The following TNFRSF19 variants were observed in gnomAD, a reference collection of about 807,000 sequenced individuals.
The protein encoded by TNFRSF19 is tumor necrosis factor receptor superfamily member 19.
TNFRSF19 carries 27 observed loss-of-function variants against 46.4 expected under a neutral mutation model. The observed-to-expected ratio is 0.58, with a 90% CI of 0.43 to 0.80. The LOEUF (loss-of-function observed/expected upper bound fraction) is 0.80. Among genes scored for constraint, TNFRSF19 ranks in the 30% least tolerant of loss-of-function variants. TNFRSF19 has a pLI of 0.00. For missense variants in TNFRSF19, 511 were observed against 530.8 expected (o/e 0.96, Z 0.37); for synonymous variants, 204 against 205.0 (o/e 1.00, Z 0.04).
At chr13:23,596,064 A>G (rs552122436) in intron 3 of TNFRSF19, among the ~76,000 whole-genome samples, 1 of 152,326 alleles carries the variant, frequency 6.6e-6, no homozygotes, top group Admixed American at 6.5e-5. Flanking sequence ...AAATGCTGAG[A>G]GATTTTGTCA....
At chr13:23,668,134 A>G (rs1207538446) in intron 8 of TNFRSF19, 52 bp downstream of exon 8, 2 of 1,415,428 alleles carry the variant, frequency 1.4e-6, no homozygotes, top group East Asian at 2.4e-5. Flanking sequence ...GCAAATATGC[A>G]TTCTACTAAT....
chr13:23,612,670 G>C (rs888726622), intron 3 of TNFRSF19, among the ~76,000 whole-genome samples: 2 of 152,092 alleles, frequency 1.3e-5, no homozygotes, highest in South Asian at 4.1e-4. Context: ...TTTGAAAATA[G>C]TAAATACTTT....
intron 5 of TNFRSF19, among the ~76,000 whole-genome samples, chr13:23,647,834 G>A (rs1379254706): frequency 1.3e-5 from 2 of 152,036 alleles, no homozygotes; most frequent in African/African-American, 4.8e-5. Flanking sequence ...TTTTGAAGAG[G>A]CTTCCCTTTC....
chr13:23,655,631 C>G lies in TNFRSF19; in HGVS notation c.446-3419C>G, dbSNP rs560812351. On this transcript the variant is annotated intron_variant, in intron 5 of 9. Transcript: ENST00000248484. ...TTGCCACAGGTTAGCAAAACAATACCTTTTCCTTTAGCGTAGATAAGTTCT... is the reference window on the plus strand; with the variant it reads ...TTGCCACAGGTTAGCAAAACAATACGTTTTCCTTTAGCGTAGATAAGTTCT... 2.6e-5 allele frequency among the ~76,000 whole-genome samples: 4 copies of G among 152,106 alleles called. 1 individual carries two copies. The highest frequency in any genetic ancestry group is 2.6e-4 in the Admixed American group (4 of 15,278).
At chr13:23,575,192 T>C (rs1370609810) in intron 1 of TNFRSF19, among the ~76,000 whole-genome samples, 1 of 152,220 alleles carries the variant, frequency 6.6e-6, no homozygotes, top group African/African-American at 2.4e-5. Flanking sequence ...ATGGACTGTC[T>C]CTTCCCTCAT....
chr13:23,604,334 ACT>A (rs1880372391), intron 3 of TNFRSF19, among the ~76,000 whole-genome samples: 1 of 152,020 alleles, frequency 6.6e-6, no homozygotes, highest in Non-Finnish European at 1.5e-5. Context: ...AAATTACAAG[ACT>A]CTGATGAAAG....
At chr13:23,584,819 C>A (rs934638674) in intron 1 of TNFRSF19, among the ~76,000 whole-genome samples, 1 of 152,102 alleles carries the variant, frequency 6.6e-6, no homozygotes, top group Non-Finnish European at 1.5e-5. Flanking sequence ...TCTTAGCACA[C>A]CTTTGTGAGT....
intron 3 of TNFRSF19, among the ~76,000 whole-genome samples, chr13:23,600,496 A>G (rs1418808399): frequency 6.6e-6 from 1 of 152,166 alleles, no homozygotes; most frequent in East Asian, 1.9e-4. Flanking sequence ...ACTCAAACCG[A>G]TTTTCATAGT....
intron 4 of TNFRSF19, among the ~76,000 whole-genome samples, chr13:23,617,435 T>G (rs1351953539): frequency 6.6e-6 from 1 of 151,770 alleles, no homozygotes; most frequent in Non-Finnish European, 1.5e-5. Context: ...TACAGACAGC[T>G]GGAGGAGAGA....
intron 3 of TNFRSF19, among the ~76,000 whole-genome samples, chr13:23,612,723 T>C (rs1381253598): frequency 1.3e-5 from 2 of 152,352 alleles, no homozygotes; most frequent in East Asian, 3.8e-4. Context: ...ATAAACAGTC[T>C]TTATGAAAGT....
intron 9 of TNFRSF19, among the ~76,000 whole-genome samples, chr13:23,670,973 T>G (rs1467580396): frequency 1.3e-5 from 2 of 152,234 alleles, no homozygotes; most frequent in Non-Finnish European, 2.9e-5. Context: ...TACCCAAGTT[T>G]GTGATGTCAA....
Position 23,581,132 on chromosome 13 carries a change from C to CTTTTTTTT in TNFRSF19, c.-34-9012_-34-9005dup, listed in dbSNP as rs746641461. Among the ~76,000 whole-genome samples the CTTTTTTTT allele has an allele frequency of 9.4e-3, 1,349 of 143,620 alleles. 19 individuals are homozygous for CTTTTTTTT. Among genetic ancestry groups the CTTTTTTTT allele is most frequent in the African/African-American group, 0.033 (1,263 of 38,806 alleles). The allele number at this position is 143,620 out of a possible 152,430, so 94.2% of individuals were successfully genotyped here. ...GATGTGCCTTTTCTTTTTTTCTTTT[C>CTTTTTTTT]TTTTTTTTTTTTTGAAACGGAGTCT... On this transcript the variant is annotated intron_variant, in intron 1 of 9. Coordinates refer to ENST00000248484, the MANE Select transcript of TNFRSF19 (RefSeq NM_148957.4).
rs1314087154 is a variant in TNFRSF19 at position 23,667,999 on chromosome 13, A to G, written c.756A>G (p.Pro252=). The G allele has an allele frequency of 4.4e-6, 7 of 1,609,000 alleles. No individual in the cohort carries two copies. Among genetic ancestry groups the G allele is most frequent in the Non-Finnish European group, 5.9e-6 (7 of 1,177,940 alleles). The change falls in exon 8 of 10, where the codon CCA becomes CCG. Residue 252 remains proline, a synonymous_variant. Coordinates refer to ENST00000248484, the MANE Select transcript of TNFRSF19 (RefSeq NM_148957.4). ...VQTCGPVRLL[P]SMCCEEACSP... ...CCCTAGGGCCGGTGCGCTTGCTCCCATCCATGTGCTGTGAGGAGGCCTGCA... is the reference window on the plus strand; with the variant it reads ...CCCTAGGGCCGGTGCGCTTGCTCCCGTCCATGTGCTGTGAGGAGGCCTGCA...
intron 5 of TNFRSF19, among the ~76,000 whole-genome samples, chr13:23,647,054 G>A (rs113841316): frequency 1.1e-3 from 164 of 152,188 alleles, no homozygotes; most frequent in African/African-American, 3.8e-3. Flanking sequence ...GCATCTTTTC[G>A]TGTGCTAATT....
chr13:23,577,550 G>T (rs1878046202), intron 1 of TNFRSF19, among the ~76,000 whole-genome samples: 1 of 152,184 alleles, frequency 6.6e-6, no homozygotes, highest in Admixed American at 6.5e-5. Flanking sequence ...GGACACAATG[G>T]GCAAGTGCTA....
intron 7 of TNFRSF19, among the ~76,000 whole-genome samples, chr13:23,666,452 C>T (rs1951635152): frequency 6.6e-6 from 1 of 152,152 alleles, no homozygotes; most frequent in Admixed American, 6.6e-5. Flanking sequence ...AGTTTAGACT[C>T]GTGGACTGTA....
In TNFRSF19 at chr13:23,668,708, G is replaced by A. The variant is rs748316827; in HGVS notation, c.856G>A (p.Gly286Arg). Residue 286 changes from glycine (G) to arginine (R), a missense_variant, in exon 9 of 10, where the codon GGG becomes AGG. Transcript: ENST00000248484. ...SLQARNAGPA[G>R]EMVPTFFGSL... is the part of the protein sequence containing the mutation. ...TGTGTGCAGAAACGCAGGCCCAGCC[G>A]GGGAGATGGTGCCGACTTTCTTCGG... The A allele has an allele frequency of 2.2e-5, 36 of 1,613,362 alleles. No homozygotes were observed. Among genetic ancestry groups the A allele is most frequent in the South Asian group, 1.1e-4 (10 of 90,944 alleles).
intron 3 of TNFRSF19, among the ~76,000 whole-genome samples, chr13:23,593,867 A>C (rs1879501766): frequency 6.6e-6 from 1 of 152,166 alleles, no homozygotes; most frequent in Non-Finnish European, 1.5e-5. Flanking sequence ...TCAGTGCAGA[A>C]GGCAGGTGTT....
rs1008094368 is a variant in TNFRSF19 at position 23,674,381 on chromosome 13, A to G, written c.*1001A>G. On this transcript the variant is annotated 3_prime_UTR_variant, in exon 10 of 10. Transcript: ENST00000248484. Reference sequence around the variant, plus strand: ...ACACCACATGTTAGGACTAGAAGAAAATGCACAATTTGTAGGGGTTTGGAT... The same window carrying G: ...ACACCACATGTTAGGACTAGAAGAAGATGCACAATTTGTAGGGGTTTGGAT... 1 of 152,210 alleles carries G rather than the reference A, an allele frequency of 6.6e-6. No homozygotes were observed. Among genetic ancestry groups the G allele is most frequent in the African/African-American group, 2.4e-5 (1 of 41,450 alleles). The allele number at this position is 152,210 out of a possible 1,614,324, so 9.4% of individuals were successfully genotyped here. A position where few individuals can be genotyped will look rare whatever the true frequency, so the allele number is the denominator to read the frequency against.
Sources: allele counts gnomAD v4.1 joint callset (sites outside exome capture counted in the v4.1 genomes callset), GRCh38; gene constraint gnomAD v4.1.1; transcripts MANE v1.5; gene names NCBI Gene and HGNC (gene_info 2026-07-23, HGNC 2026-07-21).